The following RBL1 variants were observed in gnomAD, a reference collection of about 807,000 sequenced individuals.
RBL1 encodes the protein RB transcriptional corepressor like 1, also known as retinoblastoma-like protein 1.
A neutral mutation model predicts 123.0 loss-of-function variants in RBL1; 82 were observed. That is an observed-to-expected ratio of 0.67 (90% CI 0.56 to 0.80). RBL1 has a LOEUF of 0.80. Ranked by LOEUF, RBL1 falls within the 30% of genes least tolerant of loss-of-function variation. The pLI, the probability that RBL1 is intolerant of heterozygous loss-of-function variation, is 0.00. For synonymous variants in RBL1, 405 were observed against 441.3 expected (o/e 0.92, Z 1.03); for missense variants, 1,171 against 1,299.6 (o/e 0.90, Z 1.52).
chr20:37,081,304 G>A (rs1242001570), intron 2 of RBL1, among the ~76,000 whole-genome samples: 8 of 152,064 alleles, frequency 5.3e-5, no homozygotes, highest in South Asian at 4.1e-4. Context: ...CTGCAATGGC[G>A]AGTCAATCTT....
chr20:37,064,649 G>A (rs575717447), intron 7 of RBL1, among the ~76,000 whole-genome samples: 16 of 151,886 alleles, frequency 1.1e-4, no homozygotes, highest in East Asian at 3.9e-4. Context: ...TCGCTCTGTC[G>A]CCTAGGCTGG....
intron 14 of RBL1, 119 bp downstream of exon 14, chr20:37,040,034 G>T: frequency 7.0e-7 from 1 of 1,425,818 alleles, no homozygotes; most frequent in Non-Finnish European, 9.6e-7. Flanking sequence ...GCTCCTTTTC[G>T]AACCCTGCTG....
intron 2 of RBL1, among the ~76,000 whole-genome samples, chr20:37,082,481 A>AACAC (rs145776810): frequency 1.4e-4 from 21 of 147,796 alleles, no homozygotes; most frequent in African/African-American, 3.7e-4. Context: ...TACACATACA[A>AACAC]ACACACACAC....
rs528448775 is a variant in RBL1, at chr20:37,010,379, C to A, written c.2723-2820G>T. Among the ~76,000 whole-genome samples, 4 of 152,142 alleles carry A rather than the reference C, an allele frequency of 2.6e-5. No individual in the cohort carries two copies. In the East Asian group the frequency reaches 7.7e-4, roughly 29 times the overall value. On this transcript the variant is annotated intron_variant, in intron 19 of 21. Transcript: ENST00000373664. ...ACTAAGGCCTTACTATGAACAAGCCCTGTATTAAATATTATATATATGCAT... is the reference window on the plus strand; with the variant it reads ...ACTAAGGCCTTACTATGAACAAGCCATGTATTAAATATTATATATATGCAT...
At chr20:37,001,486 T>C (rs1357062504) in intron 21 of RBL1, among the ~76,000 whole-genome samples, 1 of 151,664 alleles carries the variant, frequency 6.6e-6, no homozygotes, top group Non-Finnish European at 1.5e-5. Context: ...CTCTGAAACA[T>C]GTGCTATGTC....
At chr20:37,088,855 T>G (rs1336231185) in intron 2 of RBL1, 134 bp downstream of exon 2, 1 of 536,348 alleles carries the variant, frequency 1.9e-6, no homozygotes, top group African/African-American at 2.0e-5. Flanking sequence ...ACAGTGAGAC[T>G]GCGTCTCAAA....
intron 1 of RBL1, among the ~76,000 whole-genome samples, chr20:37,095,260 G>C (rs1056362593): frequency 6.6e-6 from 1 of 152,078 alleles, no homozygotes; most frequent in African/African-American, 2.4e-5. Flanking sequence ...AGAGGGTGGA[G>C]GTTAAACGGC....
At chr20:37,059,842 T>A (rs1256542025) in intron 9 of RBL1, among the ~76,000 whole-genome samples, 1 of 150,502 alleles carries the variant, frequency 6.6e-6, no homozygotes, top group Non-Finnish European at 1.5e-5. Flanking sequence ...CCAGGAATCA[T>A]GCTTCCTTAA....
At chr20:37,072,330 T>A (rs2065294809) in intron 2 of RBL1, among the ~76,000 whole-genome samples, 1 of 151,986 alleles carries the variant, frequency 6.6e-6, no homozygotes, top group African/African-American at 2.4e-5. Flanking sequence ...TAGCCGGGCG[T>A]GGTGGCACAT....
chr20:37,016,986 AG>A (rs1442535095), intron 19 of RBL1, among the ~76,000 whole-genome samples: 4 of 150,674 alleles, frequency 2.7e-5, no homozygotes, highest in Admixed American at 1.3e-4. Context: ...AGGAGAGGAG[AG>A]GGGAGAGGAG....
At chr20:37,011,640 G>A (rs936664736) in intron 19 of RBL1, among the ~76,000 whole-genome samples, 3 of 151,732 alleles carry the variant, frequency 2.0e-5, no homozygotes, top group Non-Finnish European at 2.9e-5. Context: ...TCACCATGTC[G>A]GCAAGACTGG....
chr20:37,076,341 A>G (rs2146318153), intron 2 of RBL1, among the ~76,000 whole-genome samples: 1 of 152,348 alleles, frequency 6.6e-6, no homozygotes, highest in East Asian at 1.9e-4. Context: ...AAATAGAACA[A>G]TTATAACAAT....
chr20:37,040,326 CT>C (rs1203812540), intron 13 of RBL1, 41 bp from the exon 14 acceptor site: 5 of 1,593,520 alleles, frequency 3.1e-6, no homozygotes, highest in Non-Finnish European at 4.3e-6. Context: ...TATAGATAAA[CT>C]TGCTGATTAA....
At chr20:37,006,328 G>A (rs542923655) in intron 20 of RBL1, among the ~76,000 whole-genome samples, 4 of 151,232 alleles carry the variant, frequency 2.6e-5, no homozygotes, top group Admixed American at 2.6e-4. Context: ...AGCCTCCCGA[G>A]TAGCTGGGAT....
intron 9 of RBL1, among the ~76,000 whole-genome samples, chr20:37,058,127 A>C (rs549084920): frequency 3.5e-5 from 5 of 143,456 alleles, no homozygotes; most frequent in African/African-American, 5.4e-5. Flanking sequence ...AAAAAAAAAA[A>C]AACAAAACAA....
chr20:37,017,903 G>A (rs1359678348), intron 19 of RBL1, among the ~76,000 whole-genome samples: 1 of 152,074 alleles, frequency 6.6e-6, no homozygotes, highest in Non-Finnish European at 1.5e-5. Context: ...CCAAAGTGCT[G>A]GAATTACAGG....
chr20:37,067,960 C>G (rs774797001), intron 3 of RBL1, 26 bp downstream of exon 3: 3 of 1,596,492 alleles, frequency 1.9e-6, no homozygotes, highest in Admixed American at 1.8e-5. Flanking sequence ...ATCTTTATGT[C>G]AATTATATAA....
chr20:37,022,006 G>A (rs2064348756), intron 17 of RBL1: 1 of 152,128 alleles, frequency 6.6e-6, no homozygotes, highest in African/African-American at 2.4e-5. Context: ...CCACCATAGT[G>A]CTGCAGTAAC....
rs1568874408 is a variant in RBL1 at position 37,066,893 on chromosome 20, A to G, written c.686-9T>C. On this transcript the variant is annotated splice_polypyrimidine_tract_variant and intron_variant, in intron 5 of 21. Transcript: ENST00000373664. ...AAAATCAGATGGTAAACCTAGTTTG[A>G]CAGTGTAGGAAGGGCAGAGGGAAAA... The G allele has an allele frequency of 1.2e-6, 2 of 1,613,102 alleles. No individual in the cohort carries two copies. Among genetic ancestry groups the G allele is most frequent in the East Asian group, 4.5e-5 (2 of 44,858 alleles).
Sources: gnomAD v4.1 joint callset for allele counts (sites outside exome capture counted in the v4.1 genomes callset) on GRCh38, gnomAD v4.1.1 for gene constraint, MANE v1.5 for transcripts, NCBI Gene and HGNC (gene_info 2026-07-23, HGNC 2026-07-21) for gene names.